The following STK3 variants were observed in gnomAD, a reference collection of about 807,000 sequenced individuals.
The protein encoded by STK3 is serine/threonine-protein kinase 3.
STK3 carries 41 observed loss-of-function variants against 58.0 expected under a neutral mutation model. The observed-to-expected ratio is 0.71, with a 90% CI of 0.55 to 0.92. STK3 has a LOEUF of 0.92. STK3 is among the 40% of genes least tolerant of loss of function. The pLI, the probability that STK3 is intolerant of heterozygous loss-of-function variation, is 0.00. For missense variants in STK3, 479 were observed against 602.7 expected (o/e 0.79, Z 2.15); for synonymous variants, 170 against 191.0 (o/e 0.89, Z 0.91).
the STK3 span, among the ~76,000 whole-genome samples, chr8:98,362,310 T>C: frequency 6.6e-6 from 1 of 152,078 alleles, no homozygotes; most frequent in South Asian, 2.1e-4. Context: ...ATGGCTTGGA[T>C]GTGAGGGGTA....
At chr8:98,647,927 G>A (rs1820530120) in intron 6 of STK3, among the ~76,000 whole-genome samples, 2 of 152,162 alleles carry the variant, frequency 1.3e-5, no homozygotes, top group African/African-American at 4.8e-5. Context: ...AATCCTGTGT[G>A]CATCAGGAGG....
chr8:98,396,951 T>C (rs1817902382), downstream of STK3, among the ~76,000 whole-genome samples: 1 of 152,236 alleles, frequency 6.6e-6, no homozygotes, highest in African/African-American at 2.4e-5. Context: ...TTAATTAGTT[T>C]AATCCTTGAA....
intron 1 of STK3, among the ~76,000 whole-genome samples, chr8:98,885,144 CT>C (rs1837936498): frequency 6.6e-6 from 1 of 152,216 alleles, no homozygotes; most frequent in Non-Finnish European, 1.5e-5. Context: ...CTTGAACAAA[CT>C]TCTCATAACA....
At chr8:98,676,291 T>C (rs568207599) in intron 6 of STK3, among the ~76,000 whole-genome samples, 254 of 152,338 alleles carry the variant, frequency 1.7e-3, no homozygotes, top group Non-Finnish European at 2.6e-3. Context: ...ATAGTGGTGA[T>C]GTTGCAGAGT....
chr8:98,828,844 T>G (rs976294833), upstream of STK3, among the ~76,000 whole-genome samples: 12 of 152,238 alleles, frequency 7.9e-5, no homozygotes, highest in African/African-American at 2.9e-4. Context: ...ATTGAAGTTC[T>G]GTTTATTAGG....
At chr8:98,748,057 A>G (rs73277826) in intron 4 of STK3, among the ~76,000 whole-genome samples, 1,965 of 152,288 alleles carry the variant, frequency 0.013, 34 homozygotes, top group African/African-American at 0.044. Flanking sequence ...CAAATACTTC[A>G]TATCTACTCA....
chr8:98,594,592 T>C (rs150493247), intron 7 of STK3, among the ~76,000 whole-genome samples: 1 of 151,558 alleles, frequency 6.6e-6, no homozygotes, highest in Non-Finnish European at 1.5e-5. Flanking sequence ...TGAGATACCA[T>C]CTCAAAAAAA....
At chr8:98,493,844 C>T (rs958392787) in intron 10 of STK3, among the ~76,000 whole-genome samples, 2 of 152,192 alleles carry the variant, frequency 1.3e-5, no homozygotes, top group Non-Finnish European at 2.9e-5. Flanking sequence ...TTGAATGGAT[C>T]CACCAACCCC....
chr8:98,820,597 A>G (rs1412054118), intron 1 of STK3, among the ~76,000 whole-genome samples: 3 of 152,150 alleles, frequency 2.0e-5, no homozygotes, highest in African/African-American at 7.2e-5. Context: ...TGAAGAGCCC[A>G]TGTTTTCTGG....
At chr8:98,905,325 A>G in intron 1 of STK3, 1 of 891,382 alleles carries the variant, frequency 1.1e-6, no homozygotes, top group South Asian at 1.3e-5. Flanking sequence ...TATGAAGTGT[A>G]TGAGGACATA....
intron 6 of STK3, among the ~76,000 whole-genome samples, chr8:98,654,297 A>T (rs1475033285): frequency 6.6e-6 from 1 of 152,238 alleles, no homozygotes; most frequent in Non-Finnish European, 1.5e-5. Context: ...TTCATGCTAA[A>T]AACTCTCAAT....
the STK3 span, among the ~76,000 whole-genome samples, chr8:98,351,987 G>A: frequency 2.3e-4 from 35 of 152,044 alleles, no homozygotes; most frequent in African/African-American, 6.8e-4. Flanking sequence ...GTTAAACCCC[G>A]TCTCTACTAA....
At chr8:98,823,179 G>A (rs1835019989) in intron 1 of STK3, among the ~76,000 whole-genome samples, 1 of 152,080 alleles carries the variant, frequency 6.6e-6, no homozygotes, top group Non-Finnish European at 1.5e-5. Context: ...ATAGGCTATA[G>A]TGACAAACTA....
intron 6 of STK3, chr8:98,597,785 A>G (rs541613251): frequency 1.3e-5 from 13 of 985,116 alleles, no homozygotes; most frequent in Middle Eastern, 5.2e-4. Flanking sequence ...AATAGGATAC[A>G]TATCTCAGAC....
intron 1 of STK3, among the ~76,000 whole-genome samples, chr8:98,385,850 C>G (rs1043632481): frequency 4.6e-5 from 7 of 152,188 alleles, no homozygotes; most frequent in African/African-American, 1.7e-4. Context: ...CCTCTTCTCC[C>G]CGTATTCCAA....
intron 1 of STK3, among the ~76,000 whole-genome samples, chr8:98,445,313 CA>C (rs2131105311): frequency 6.6e-6 from 1 of 152,108 alleles, no homozygotes; most frequent in South Asian, 2.1e-4. Flanking sequence ...CTGTCACTGT[CA>C]AATAGAAATG....
chr8:98,493,001 C>T (rs568263833), intron 10 of STK3, among the ~76,000 whole-genome samples: 8 of 151,934 alleles, frequency 5.3e-5, no homozygotes, highest in Non-Finnish European at 8.8e-5. Context: ...GAGGCCAAGG[C>T]GGGAGGATTG....
chr8:98,712,642 G>C (rs1250341144), intron 4 of STK3, among the ~76,000 whole-genome samples: 2 of 150,396 alleles, frequency 1.3e-5, no homozygotes, highest in African/African-American at 4.9e-5. Flanking sequence ...AGCAAGTCCT[G>C]ACTGACCTAC....
chr8:98,699,090 T>C (rs1161509578), intron 6 of STK3, among the ~76,000 whole-genome samples: 2 of 152,236 alleles, frequency 1.3e-5, no homozygotes, highest in African/African-American at 4.8e-5. Flanking sequence ...TAAACTTCCC[T>C]TCTCGCTTCA....
Sources: allele counts gnomAD v4.1 joint callset (sites outside exome capture counted in the v4.1 genomes callset), GRCh38; gene constraint gnomAD v4.1.1; transcripts MANE v1.5; gene names NCBI Gene and HGNC (gene_info 2026-07-23, HGNC 2026-07-21).